FAM227B: variants seen among roughly 807,000 people sequenced by gnomAD.
FAM227B encodes protein FAM227B.
In FAM227B, 88 loss-of-function variants were observed where a neutral mutation model predicts 73.8. The observed-to-expected ratio is 1.19, with a 90% CI of 1.00 to 1.42. The LOEUF (loss-of-function observed/expected upper bound fraction) is 1.42. Among genes scored for constraint, FAM227B ranks in the 40% most tolerant of loss-of-function variants. The probability of loss-of-function intolerance (pLI) is 0.00; values close to 1 mark genes in which losing one functional copy is unlikely to be tolerated. For synonymous variants in FAM227B, 210 were observed against 190.5 expected, an observed-to-expected ratio of 1.10 and a Z score of -0.84; for missense variants, 632 against 590.9, an observed-to-expected ratio of 1.07 and a Z score of -0.72.
intron 13 of FAM227B, among the ~76,000 whole-genome samples, chr15:49,347,908 A>G (rs1193258193): frequency 6.6e-6 from 1 of 151,402 alleles, no homozygotes; most frequent in Non-Finnish European, 1.5e-5. Context: ...AGTCCCAGCT[A>G]CTCGGGAGGC....
chr15:49,441,181 G>C (rs1423027680), intron 11 of FAM227B, among the ~76,000 whole-genome samples: 1 of 151,720 alleles, frequency 6.6e-6, no homozygotes, highest in African/African-American at 2.4e-5. Context: ...AAGTGGAAGA[G>C]ACTGCAGAAG....
intron 3 of FAM227B, among the ~76,000 whole-genome samples, chr15:49,605,849 G>A (rs1598511273): frequency 6.6e-6 from 1 of 152,204 alleles, no homozygotes; most frequent in Non-Finnish European, 1.5e-5. Flanking sequence ...GTCTGAGAGG[G>A]ATAGCCTGGG....
At chr15:49,331,626 AC>A in intron 15 of FAM227B, 153 bp downstream of exon 15, 1 of 577,890 alleles carries the variant, frequency 1.7e-6, no homozygotes, top group Non-Finnish European at 3.1e-6. Context: ...AGATTTTCTT[AC>A]ATGTGCATGT....
At chr15:49,452,490 AGAG>A (rs2052850623) in intron 11 of FAM227B, among the ~76,000 whole-genome samples, 1 of 152,212 alleles carries the variant, frequency 6.6e-6, no homozygotes, top group Non-Finnish European at 1.5e-5. Context: ...AAAAGCTGCC[AGAG>A]AAACTGGATG....
At chr15:49,575,564 T>C (rs1220713948) in intron 7 of FAM227B, among the ~76,000 whole-genome samples, 2 of 152,038 alleles carry the variant, frequency 1.3e-5, no homozygotes, top group Non-Finnish European at 2.9e-5. Flanking sequence ...TCAAATATAG[T>C]TTTTAGATTT....
chr15:49,403,347 C>G (rs2048303480), intron 11 of FAM227B, among the ~76,000 whole-genome samples: 1 of 152,132 alleles, frequency 6.6e-6, no homozygotes, highest in African/African-American at 2.4e-5. Flanking sequence ...AATGGTCCAG[C>G]TTTTCTTTGT....
intron 11 of FAM227B, among the ~76,000 whole-genome samples, chr15:49,505,308 T>G (rs1389785243): frequency 6.6e-6 from 1 of 152,138 alleles, no homozygotes; most frequent in Non-Finnish European, 1.5e-5. Flanking sequence ...GATAGATGTT[T>G]TTTTACCTCG....
intron 8 of FAM227B, among the ~76,000 whole-genome samples, chr15:49,573,867 G>C (rs1404696378): frequency 6.6e-6 from 1 of 152,148 alleles, no homozygotes; most frequent in Non-Finnish European, 1.5e-5. Context: ...ACTATTCAAA[G>C]AAGGGGCTGA....
At chr15:49,431,439 C>A (rs778467806) in intron 11 of FAM227B, among the ~76,000 whole-genome samples, 1 of 151,692 alleles carries the variant, frequency 6.6e-6, no homozygotes, top group Non-Finnish European at 1.5e-5. Flanking sequence ...TATGTAAAGA[C>A]AAAGTGATTA....
chr15:49,349,221 G>C (rs1032306531), intron 13 of FAM227B, among the ~76,000 whole-genome samples: 1 of 152,052 alleles, frequency 6.6e-6, no homozygotes, highest in Non-Finnish European at 1.5e-5. Context: ...TCTGGCTCAA[G>C]GTGGCTGACA....
chr15:49,460,602 G>A (rs2053705132), intron 11 of FAM227B, among the ~76,000 whole-genome samples: 1 of 152,126 alleles, frequency 6.6e-6, no homozygotes, highest in Admixed American at 6.5e-5. Flanking sequence ...TCCCAAAAAT[G>A]TTCTAGCAAC....
At chr15:49,600,801 G>A (rs1047644989) in intron 3 of FAM227B, among the ~76,000 whole-genome samples, 2 of 151,852 alleles carry the variant, frequency 1.3e-5, no homozygotes, top group African/African-American at 4.8e-5. Context: ...CCAGCACTTC[G>A]GGAGGTTGAG....
intron 15 of FAM227B, chr15:49,329,424 G>C (rs1418597486): frequency 2.0e-6 from 2 of 984,686 alleles, no homozygotes; most frequent in African/African-American, 1.7e-5. Flanking sequence ...AAAAATATCA[G>C]AATTACTTAT....
chr15:49,419,194 T>C (rs992313377), intron 11 of FAM227B, among the ~76,000 whole-genome samples: 2 of 152,110 alleles, frequency 1.3e-5, no homozygotes, highest in Non-Finnish European at 2.9e-5. Flanking sequence ...TTCTCTGGAG[T>C]ATTGCTGCCT....
At chr15:49,617,964 C>A (rs2078404358) in intron 1 of FAM227B, among the ~76,000 whole-genome samples, 1 of 152,148 alleles carries the variant, frequency 6.6e-6, no homozygotes, top group African/African-American at 2.4e-5. Context: ...TTGCTCAGAG[C>A]TCCTCCCTCT....
chr15:49,587,872 C>T, intron 5 of FAM227B, 144 bp downstream of exon 5: 1 of 690,448 alleles, frequency 1.4e-6, no homozygotes, highest in Non-Finnish European at 2.0e-6. Context: ...GTGCAGCTAT[C>T]TTTAAAACAT....
chr15:49,505,623 G>C (rs2058522694), intron 11 of FAM227B, among the ~76,000 whole-genome samples: 2 of 151,928 alleles, frequency 1.3e-5, no homozygotes, highest in Admixed American at 1.3e-4. Flanking sequence ...CATTTTGCAA[G>C]CATTAAAGCA....
chr15:49,489,889 G>T lies in FAM227B; in HGVS notation c.1012+18322C>A, dbSNP rs1449125735. ...ATATATATATATATATATATAGAGA[G>T]AGAGAGAGAGAGAGAGAGAGAGAGA... On this transcript the variant is annotated intron_variant, in intron 11 of 15. Coordinates refer to ENST00000299338, the MANE Select transcript of FAM227B (RefSeq NM_152647.3). Among the ~76,000 whole-genome samples the T allele has an allele frequency of 5.7e-3, 122 of 21,464 alleles. 3 individuals carry two copies. The highest frequency in any genetic ancestry group is 0.026 in the East Asian group (17 of 648). 14.1% of individuals were successfully genotyped at this position (21,464 alleles called of 152,430 possible). A position where few individuals can be genotyped will look rare whatever the true frequency, so the allele number is the denominator to read the frequency against.
intron 11 of FAM227B, among the ~76,000 whole-genome samples, chr15:49,405,970 T>A (rs2048481187): frequency 6.6e-6 from 1 of 152,176 alleles, no homozygotes; most frequent in Admixed American, 6.5e-5. Flanking sequence ...TGGTATAAGG[T>A]AGATTTAACC....
Sources: gnomAD v4.1 joint callset for allele counts (sites outside exome capture counted in the v4.1 genomes callset) on GRCh38, gnomAD v4.1.1 for gene constraint, MANE v1.5 for transcripts, NCBI Gene and HGNC (gene_info 2026-07-23, HGNC 2026-07-21) for gene names.